The following SMAD2 variants were observed in gnomAD, a reference collection of about 807,000 sequenced individuals.
The protein encoded by SMAD2 is MAD homolog 2.
SMAD2 carries 8 observed loss-of-function variants against 64.4 expected under a neutral mutation model. The observed-to-expected ratio is 0.12, with a 90% CI of 0.07 to 0.22. The LOEUF (loss-of-function observed/expected upper bound fraction) is 0.22. Ranked by LOEUF, SMAD2 falls within the 10% of genes least tolerant of loss-of-function variation. The pLI, the probability that SMAD2 is intolerant of heterozygous loss-of-function variation, is 1.00. For synonymous variants in SMAD2, 203 were observed against 195.8 expected (o/e 1.04, Z -0.31); for missense variants, 289 against 561.2 (o/e 0.51, Z 4.90).
At chr18:47,872,797 C>T (rs1250310078) in intron 2 of SMAD2, among the ~76,000 whole-genome samples, 1 of 152,164 alleles carries the variant, frequency 6.6e-6, no homozygotes, top group African/African-American at 2.4e-5. Flanking sequence ...TGCCGCACCA[C>T]CACGGTCAGT....
intron 2 of SMAD2, among the ~76,000 whole-genome samples, chr18:47,881,422 G>A (rs1392746718): frequency 1.3e-5 from 2 of 152,126 alleles, no homozygotes; most frequent in Non-Finnish European, 2.9e-5. Flanking sequence ...AAATACAATT[G>A]ATTTTTAGAC....
chr18:47,826,164 T>C lies in SMAD2; in HGVS notation c.*15663A>G, dbSNP rs1000969985. On this transcript the variant is annotated 3_prime_UTR_variant, in exon 11 of 11. Transcript: ENST00000262160. ...CCTTATGTATATTAGATTAGGCTTC[T>C]ACTCAATGCTCTGTAAGTTAAAACA... 5.3e-5 allele frequency: 8 copies of C among 152,228 alleles called. No homozygotes were observed. The highest frequency in any genetic ancestry group is 1.9e-4 in the African/African-American group (8 of 41,464). 9.4% of individuals were successfully genotyped at this position (152,228 alleles called of 1,614,324 possible).
chr18:47,821,097 C>T lies in SMAD2; in HGVS notation c.*20730G>A, dbSNP rs1598722776. ...CCTTCTGAGATCCGTTTAATTTCCC[C>T]TAGATTCAGGTTAGAAAGGCTGTCT... is the stretch of plus-strand genomic sequence containing the variant. On this transcript the variant is annotated 3_prime_UTR_variant, in exon 11 of 11. Coordinates refer to ENST00000262160, the MANE Select transcript of SMAD2 (RefSeq NM_005901.6). 6.6e-6 allele frequency: 1 copy of T among 152,092 alleles called. No homozygotes were observed. The highest frequency in any genetic ancestry group is 2.4e-5 in the African/African-American group (1 of 41,424). The allele number at this position is 152,092 out of a possible 1,614,324, so 9.4% of individuals were successfully genotyped here. A position where few individuals can be genotyped will look rare whatever the true frequency, so the allele number is the denominator to read the frequency against.
intron 1 of SMAD2, among the ~76,000 whole-genome samples, chr18:47,907,681 G>C (rs1019944084): frequency 6.6e-6 from 1 of 152,212 alleles, no homozygotes; most frequent in Non-Finnish European, 1.5e-5. Context: ...GCCGAGCCCA[G>C]TGGCTCACAC....
Position 47,820,941 on chromosome 18 carries a change from A to AC in SMAD2, c.*20885_*20886insG, listed in dbSNP as rs1912553923. On this transcript the variant is annotated 3_prime_UTR_variant, in exon 11 of 11. Transcript: ENST00000262160. The stretch of plus-strand genomic sequence containing the variant: ...CACACACACACACACACACACACAC[A>AC]AAATTTGGTCCCCAATGTTAGAACA... The AC allele has an allele frequency of 2.0e-5, 3 of 148,158 alleles. No homozygotes were observed. The highest frequency in any genetic ancestry group is 3.0e-5 in the Non-Finnish European group (2 of 66,698). The allele number at this position is 148,158 out of a possible 1,614,324, so 9.2% of individuals were successfully genotyped here. A position where few individuals can be genotyped will look rare whatever the true frequency, so the allele number is the denominator to read the frequency against.
Position 47,815,250 on chromosome 18 carries a change from T to C in SMAD2, c.*26577A>G, listed in dbSNP as rs985044309. ...TCTTTGATTGGCAAGTTTAAGGCCA[T>C]CCACCTCGTCCCACACCTTCCCAAA... On this transcript the variant is annotated 3_prime_UTR_variant, in exon 11 of 11. Coordinates refer to ENST00000262160, the MANE Select transcript of SMAD2 (RefSeq NM_005901.6). 15 of 150,760 alleles carry C rather than the reference T, an allele frequency of 9.9e-5. No individual in the cohort carries two copies. The highest frequency in any genetic ancestry group is 3.2e-4 in the African/African-American group (13 of 40,918). 9.3% of individuals were successfully genotyped at this position (150,760 alleles called of 1,614,324 possible).
chr18:47,867,952 A>C (rs1048245529), intron 5 of SMAD2, among the ~76,000 whole-genome samples: 1 of 152,182 alleles, frequency 6.6e-6, no homozygotes, highest in Non-Finnish European at 1.5e-5. Flanking sequence ...CATTGGGTGG[A>C]TATTCAGTTA....
At position 47,836,361 on chromosome 18, in the gene SMAD2, G is replaced by C. The variant is rs1235391328; in HGVS notation, c.*5466C>G. On this transcript the variant is annotated 3_prime_UTR_variant, in exon 11 of 11. Transcript: ENST00000262160. The stretch of plus-strand genomic sequence containing the variant: ...TAATAATTTAGTAACGGGGTATATG[G>C]CAGAGCTTTCTTTGATGTTAACAAA... 1 of 221,874 alleles carries C rather than the reference G, an allele frequency of 4.5e-6. No individual in the cohort carries two copies. Among genetic ancestry groups the C allele is most frequent in the African/African-American group, 2.2e-5 (1 of 44,652 alleles). The allele number at this position is 221,874 out of a possible 1,614,324, so 13.7% of individuals were successfully genotyped here.
chr18:47,915,053 G>C (rs1333850102), intron 1 of SMAD2, among the ~76,000 whole-genome samples: 1 of 151,932 alleles, frequency 6.6e-6, no homozygotes, highest in Non-Finnish European at 1.5e-5. Context: ...ATTGTAAATG[G>C]GGACTTTAAT....
chr18:47,843,670 G>C (rs557334729), intron 10 of SMAD2, among the ~76,000 whole-genome samples: 1 of 152,262 alleles, frequency 6.6e-6, no homozygotes, highest in African/African-American at 2.4e-5. Context: ...ATGGATATTT[G>C]CCATTTTGAT....
At chr18:47,919,731 G>C (rs1360044733) in intron 1 of SMAD2, among the ~76,000 whole-genome samples, 1 of 152,074 alleles carries the variant, frequency 6.6e-6, no homozygotes, top group African/African-American at 2.4e-5. Flanking sequence ...TCACTGATTA[G>C]AGCCAAATGA....
At chr18:47,912,335 G>A (rs11660896) in intron 1 of SMAD2, 1 of 152,176 alleles carries the variant, frequency 6.6e-6, no homozygotes, top group South Asian at 2.1e-4. Context: ...GTGCAGTTTA[G>A]GGAAAAGGAT....
Position 47,884,243 on chromosome 18 carries a change from T to C in SMAD2, c.236+12278A>G, listed in dbSNP as rs915413999. On this transcript the variant is annotated intron_variant, in intron 2 of 10. Coordinates refer to ENST00000262160, the MANE Select transcript of SMAD2 (RefSeq NM_005901.6). ...ATCAAATTTTATATATAAAATCCCATCCCACATATAGTTCACACTTATTAA... is the reference window on the plus strand; with the variant it reads ...ATCAAATTTTATATATAAAATCCCACCCCACATATAGTTCACACTTATTAA... Among the ~76,000 whole-genome samples the C allele has an allele frequency of 2.0e-4, 30 of 152,294 alleles. No individual in the cohort carries two copies. The East Asian group carries it at 5.6e-3, about 28-fold the overall frequency.
chr18:47,894,904 C>T (rs776004370), intron 2 of SMAD2, among the ~76,000 whole-genome samples: 98 of 152,146 alleles, frequency 6.4e-4, no homozygotes, highest in Non-Finnish European at 2.4e-4. Flanking sequence ...GCCCATTCAC[C>T]AGGAAGTCCT....
chr18:47,861,185 G>A (rs150893789), intron 6 of SMAD2, among the ~76,000 whole-genome samples: 2,055 of 152,152 alleles, frequency 0.014, 48 homozygotes, highest in African/African-American at 0.046. Context: ...GAGAAACTCC[G>A]TCTCTACTAA....
chr18:47,852,968 C>A (rs1013405611), intron 6 of SMAD2, among the ~76,000 whole-genome samples: 18 of 152,070 alleles, frequency 1.2e-4, no homozygotes, highest in Non-Finnish European at 4.4e-5. Context: ...ATTCTCTACA[C>A]GTTTAGGCAC....
intron 2 of SMAD2, among the ~76,000 whole-genome samples, chr18:47,889,014 A>G (rs564711574): frequency 7.9e-5 from 12 of 152,336 alleles, no homozygotes; most frequent in African/African-American, 2.6e-4. Context: ...TGAAATTAAG[A>G]ACTTACGTAG....
Position 47,827,500 on chromosome 18 carries a change from C to G in SMAD2, c.*14327G>C, listed in dbSNP as rs1008131834. 3.3e-5 allele frequency: 5 copies of G among 152,054 alleles called. No homozygotes were observed. Among genetic ancestry groups the G allele is most frequent in the Admixed American group, 3.3e-4 (5 of 15,266 alleles). The allele number at this position is 152,054 out of a possible 1,614,324, so 9.4% of individuals were successfully genotyped here. On this transcript the variant is annotated 3_prime_UTR_variant, in exon 11 of 11. Transcript: ENST00000262160. ...CCCCGTCTCCCACTTTCTACGGTCT[C>G]CCACTTTCCACCGTCTCCCTCTGAT...
chr18:47,848,938 T>G (rs544433046), intron 7 of SMAD2, among the ~76,000 whole-genome samples: 2 of 152,280 alleles, frequency 1.3e-5, no homozygotes, highest in South Asian at 2.1e-4. Context: ...TTAAATCACT[T>G]TATGTTGGAT....
Sources: allele counts gnomAD v4.1 joint callset (sites outside exome capture counted in the v4.1 genomes callset), GRCh38; gene constraint gnomAD v4.1.1; transcripts MANE v1.5; gene names NCBI Gene and HGNC (gene_info 2026-07-23, HGNC 2026-07-21).